Variants in MCCC1 observed in about 807,000 individuals in gnomAD.
The protein encoded by MCCC1 is methylcrotonoyl-CoA carboxylase subunit alpha, mitochondrial.
Under a neutral mutation model 83.8 loss-of-function variants are expected in MCCC1, and 64 were observed. The observed-to-expected ratio is 0.76, with a 90% confidence interval of 0.62 to 0.94. The LOEUF is 0.94. MCCC1 is among the 40% of genes least tolerant of loss of function. The pLI is 0.00. For synonymous variants in MCCC1, 322 were observed against 315.4 expected, an observed-to-expected ratio of 1.02 and a Z score of -0.22; for missense variants, 807 against 904.7, an observed-to-expected ratio of 0.89 and a Z score of 1.39.
chr3:183,102,788 T>G (rs1175869935), upstream of MCCC1, among the ~76,000 whole-genome samples: 7 of 113,800 alleles, frequency 6.2e-5, no homozygotes, highest in East Asian at 2.6e-4. Flanking sequence ...TTTTTTTTTT[T>G]TTTTTTTTTT....
intron 7 of MCCC1, among the ~76,000 whole-genome samples, chr3:183,065,439 A>T (rs1716184743): frequency 6.6e-6 from 1 of 152,242 alleles, no homozygotes; most frequent in Admixed American, 6.5e-5. Flanking sequence ...ATAAGTGCTT[A>T]TATCAAATAT....
chr3:183,054,102 G>A (rs867921586), intron 8 of MCCC1, among the ~76,000 whole-genome samples: 4 of 150,460 alleles, frequency 2.7e-5, no homozygotes, highest in South Asian at 2.1e-4. Flanking sequence ...GGCTGGTCTC[G>A]AAGTCCTGAT....
upstream of MCCC1, among the ~76,000 whole-genome samples, chr3:183,102,582 T>C (rs1719331046): frequency 6.6e-6 from 1 of 151,850 alleles, no homozygotes; most frequent in African/African-American, 2.4e-5. Context: ...ATTTTAAAAC[T>C]CAGTAATTCA....
At chr3:183,109,793 A>C (rs574438257) in intron 1 of MCCC1, among the ~76,000 whole-genome samples, 2 of 152,214 alleles carry the variant, frequency 1.3e-5, no homozygotes, top group Non-Finnish European at 2.9e-5. Flanking sequence ...GCTGGGTCAT[A>C]TGGTAGTTCT....
intron 9 of MCCC1, among the ~76,000 whole-genome samples, chr3:183,046,422 G>A (rs952846309): frequency 2.7e-5 from 4 of 146,070 alleles, no homozygotes; most frequent in Non-Finnish European, 4.5e-5. Context: ...TTTTAAGATG[G>A]AATCTCACTC....
chr3:183,072,934 C>T (rs972927248), intron 4 of MCCC1, among the ~76,000 whole-genome samples: 2 of 152,130 alleles, frequency 1.3e-5, no homozygotes, highest in East Asian at 1.9e-4. Context: ...TAAGTGGAAG[C>T]GTATAATAAT....
Position 183,015,526 on chromosome 3 carries a change from A to G in MCCC1, c.2090T>C (p.Val697Ala), listed in dbSNP as rs1237432535. ...GGCCTGAGCACCTTCTCTGTAGAAC[A>G]CTTTCTTTACTGTGCCATCCTTTGG... Reference protein sequence around the residue: ...KSPKDGTVKKVFYREGAQANR... With the variant: ...KSPKDGTVKKAFYREGAQANR... The change falls in exon 19 of 19, where the codon GTG becomes GCG. Residue 697 changes from valine to alanine, a missense_variant. By Grantham distance (64) the Val-to-Ala change is moderately conservative (BLOSUM62 0). Coordinates refer to ENST00000265594, the MANE Select transcript of MCCC1 (RefSeq NM_020166.5). The G allele has an allele frequency of 3.1e-6, 5 of 1,614,012 alleles. No homozygotes were observed. In the African/African-American group the frequency reaches 5.3e-5, roughly 17 times the overall value.
intron 4 of MCCC1, among the ~76,000 whole-genome samples, chr3:183,073,134 G>A (rs1716821411): frequency 6.6e-6 from 1 of 151,872 alleles, no homozygotes; most frequent in Admixed American, 6.6e-5. Flanking sequence ...TGAACAACAA[G>A]TATTGGTATA....
chr3:183,102,783 T>G (rs1437308228), upstream of MCCC1, among the ~76,000 whole-genome samples: 14 of 115,254 alleles, frequency 1.2e-4, no homozygotes, highest in South Asian at 3.4e-4. Context: ...TTTTTTTTTT[T>G]TTTTTTTTTT....
upstream of MCCC1, among the ~76,000 whole-genome samples, chr3:183,099,850 AG>A (rs1320145436): frequency 1.3e-5 from 2 of 152,222 alleles, no homozygotes; most frequent in Admixed American, 1.3e-4. Flanking sequence ...GATGGACAGC[AG>A]GATACACAAT....
At chr3:183,043,271 G>A (rs1016438254) in intron 10 of MCCC1, among the ~76,000 whole-genome samples, 21 of 152,322 alleles carry the variant, frequency 1.4e-4, no homozygotes, top group African/African-American at 3.6e-4. Flanking sequence ...TGGGCAAAAA[G>A]AGCAAAACTC....
intron 15 of MCCC1, among the ~76,000 whole-genome samples, chr3:183,023,469 C>T (rs112944905): frequency 4.6e-5 from 7 of 152,172 alleles, no homozygotes; most frequent in Non-Finnish European, 7.4e-5. Flanking sequence ...TAAAGATTCA[C>T]GAAAACACAT....
intron 14 of MCCC1, among the ~76,000 whole-genome samples, chr3:183,027,816 G>A (rs1459265412): frequency 6.6e-6 from 1 of 152,228 alleles, no homozygotes; most frequent in Non-Finnish European, 1.5e-5. Context: ...GCCAAGAGAA[G>A]TGAGGAAGCT....
rs540014169 is a variant in MCCC1, at chr3:183,070,227, T to A, written c.761+772A>T. Among the ~76,000 whole-genome samples the A allele has an allele frequency of 2.4e-4, 23 of 97,136 alleles. No homozygotes were observed. The East Asian group carries it at 4.5e-3, about 19-fold the overall frequency. 63.7% of individuals were successfully genotyped at this position (97,136 alleles called of 152,430 possible). On this transcript the variant is annotated intron_variant, in intron 7 of 18. Transcript: ENST00000265594. ...GAAAATTACTTCCATTTCCTGAGCA[T>A]CTCAACTGACAGAGTTCTATAAATA... is the stretch of plus-strand genomic sequence containing the variant.
intron 16 of MCCC1, among the ~76,000 whole-genome samples, chr3:183,022,176 C>G (rs1712210017): frequency 6.6e-6 from 1 of 152,156 alleles, no homozygotes; most frequent in Non-Finnish European, 1.5e-5. Flanking sequence ...TTTCAGAATT[C>G]AGGAAGAAAA....
At position 183,094,704 on chromosome 3, in the gene MCCC1, C is replaced by G. The variant is rs1308441548; in HGVS notation, c.90-99G>C. ...GTTTCTTAAAACATGAAACCTTAAGCCAACTAACAGTGCTTTAGTAAGACT... is the reference window on the plus strand; with the variant it reads ...GTTTCTTAAAACATGAAACCTTAAGGCAACTAACAGTGCTTTAGTAAGACT... On this transcript the variant is annotated intron_variant, in intron 1 of 18. Coordinates refer to ENST00000265594, the MANE Select transcript of MCCC1 (RefSeq NM_020166.5). 29 of 1,201,074 alleles carry G rather than the reference C, an allele frequency of 2.4e-5. 1 individual carries two copies. The highest frequency in any genetic ancestry group is 3.8e-4 in the Middle Eastern group (2 of 5,258). The allele number at this position is 1,201,074 out of a possible 1,614,324, so 74.4% of individuals were successfully genotyped here.
Position 183,084,057 on chromosome 3 carries a change from T to G in MCCC1, c.369+2636A>C, listed in dbSNP as rs80230160. Among the ~76,000 whole-genome samples, 484 of 152,358 alleles carry G rather than the reference T, an allele frequency of 3.2e-3. 1 individual carries two copies. Among genetic ancestry groups the G allele is most frequent in the African/African-American group, 0.011 (456 of 41,582 alleles). On this transcript the variant is annotated intron_variant, in intron 4 of 18. Transcript: ENST00000265594. ...AATGCAAATTACAGTGGGTTTAGGG[T>G]AGGACTTAAAGGCTGTTATTGTTTT... is the stretch of plus-strand genomic sequence containing the variant.
chr3:183,098,940 A>C (rs557561935), intron 1 of MCCC1: 31 of 275,884 alleles, frequency 1.1e-4, no homozygotes, highest in South Asian at 9.4e-4. Flanking sequence ...ATTTCTTACT[A>C]GCTGTGTTTC....
At chr3:183,112,611 C>A (rs746153266) in intron 1 of MCCC1, among the ~76,000 whole-genome samples, 1 of 152,184 alleles carries the variant, frequency 6.6e-6, no homozygotes, top group Non-Finnish European at 1.5e-5. Context: ...TCACGATTAA[C>A]CTTTTTCATC....
Sources: allele counts gnomAD v4.1 joint callset (sites outside exome capture counted in the v4.1 genomes callset), GRCh38; gene constraint gnomAD v4.1.1; transcripts MANE v1.5; gene names NCBI Gene and HGNC (gene_info 2026-07-23, HGNC 2026-07-21).